The following LIMCH1 variants were observed in gnomAD, a reference collection of about 807,000 sequenced individuals.
LIMCH1 encodes LIM and calponin homology domains 1.
A neutral mutation model predicts 176.5 loss-of-function variants in LIMCH1; 113 were observed. The ratio of observed to expected loss-of-function variants is 0.64; its 90% CI spans 0.55 to 0.75. The LOEUF (loss-of-function observed/expected upper bound fraction) is 0.75. Ranked by LOEUF, LIMCH1 falls within the 30% of genes least tolerant of loss-of-function variation. LIMCH1 has a pLI of 0.00. For synonymous variants in LIMCH1, 619 were observed against 645.9 expected (o/e 0.96, Z 0.63); for missense variants, 1,674 against 1,814.9 (o/e 0.92, Z 1.41).
chr4:41,619,592 C>T (rs1002279466), intron 6 of LIMCH1, 152 bp downstream of exon 6: 9 of 1,010,426 alleles, frequency 8.9e-6, no homozygotes, highest in Middle Eastern at 3.2e-4. Context: ...TTGGAGAGAG[C>T]TTGTCAGGAG....
chr4:41,426,170 C>T (rs1327991024), intron 1 of LIMCH1, among the ~76,000 whole-genome samples: 3 of 150,948 alleles, frequency 2.0e-5, no homozygotes, highest in African/African-American at 4.9e-5. Context: ...TACAGGCGCC[C>T]GCCACTACGC....
chr4:41,551,941 T>C (rs542339255), intron 1 of LIMCH1, among the ~76,000 whole-genome samples: 2 of 152,280 alleles, frequency 1.3e-5, no homozygotes, highest in African/African-American at 4.8e-5. Flanking sequence ...GTGCTGCTAA[T>C]AAAGACATAC....
At chr4:41,584,073 C>T (rs1441906468) in intron 1 of LIMCH1, among the ~76,000 whole-genome samples, 1 of 152,174 alleles carries the variant, frequency 6.6e-6, no homozygotes, top group Non-Finnish European at 1.5e-5. Flanking sequence ...CCTCTATACG[C>T]CTGTTTCTTT....
intron 4 of LIMCH1, among the ~76,000 whole-genome samples, chr4:41,607,396 A>T (rs1344317178): frequency 6.6e-6 from 1 of 152,238 alleles, no homozygotes; most frequent in Non-Finnish European, 1.5e-5. Flanking sequence ...AAGGTACTTT[A>T]AGCTGAATTC....
chr4:41,455,790 G>C (rs11941153), intron 1 of LIMCH1, among the ~76,000 whole-genome samples: 6,657 of 152,250 alleles, frequency 0.044, 148 homozygotes, highest in South Asian at 0.065. Flanking sequence ...TAGTTAGTCT[G>C]TAATGTCAAG....
intron 1 of LIMCH1, among the ~76,000 whole-genome samples, chr4:41,447,626 T>C (rs1040995511): frequency 1.3e-5 from 2 of 152,216 alleles, no homozygotes; most frequent in Admixed American, 1.3e-4. Flanking sequence ...AAAATTCTTG[T>C]TGAGTAGATT....
intron 1 of LIMCH1, among the ~76,000 whole-genome samples, chr4:41,443,183 GT>G (rs1265290139): frequency 1.1e-4 from 3 of 27,374 alleles, no homozygotes; most frequent in Non-Finnish European, 1.7e-4. Context: ...CATATTGGAT[GT>G]TTTTTTTCTT....
At chr4:41,524,433 A>C in exon 3 of LIMCH1, 2 of 1,613,964 alleles carry the variant, frequency 1.2e-6, no homozygotes, top group Non-Finnish European at 8.5e-7. Flanking sequence ...TAAAGCCAGG[A>C]CTTGTTAAAA....
At chr4:41,530,794 T>TAAAAAAAAAAAAAAAAAA (rs386399906) in intron 3 of LIMCH1, among the ~76,000 whole-genome samples, 2 of 30,054 alleles carry the variant, frequency 6.7e-5, no homozygotes, top group African/African-American at 7.8e-4. Flanking sequence ...AAACCCCGCC[T>TAAAAAAAAAAAAAAAAAA]AAAAAAAAAA....
intron 10 of LIMCH1, among the ~76,000 whole-genome samples, chr4:41,632,358 T>C (rs1234277112): frequency 6.6e-6 from 1 of 152,160 alleles, no homozygotes; most frequent in Non-Finnish European, 1.5e-5. Context: ...GTTTCTTTGG[T>C]TCCAGACTCG....
intron 1 of LIMCH1, among the ~76,000 whole-genome samples, chr4:41,547,861 G>GTATATATATATATA (rs746652816): frequency 1.2e-4 from 10 of 84,976 alleles, no homozygotes; most frequent in South Asian, 8.7e-4. Context: ...ATTTGTGTGT[G>GTATATATATATATA]TGTATATATA....
At chr4:41,569,342 G>A (rs1327693097) in intron 1 of LIMCH1, among the ~76,000 whole-genome samples, 1 of 152,088 alleles carries the variant, frequency 6.6e-6, no homozygotes, top group Non-Finnish European at 1.5e-5. Context: ...CTCCTGTAGG[G>A]GCAGCTCCCG....
intron 1 of LIMCH1, among the ~76,000 whole-genome samples, chr4:41,421,752 TACG>T (rs2060624354): frequency 6.6e-6 from 1 of 152,190 alleles, no homozygotes; most frequent in South Asian, 2.1e-4. Context: ...TATAAAAGAA[TACG>T]ATTAAAAAGA....
At position 41,684,498 on chromosome 4, in the gene LIMCH1, C is replaced by A. The variant is rs1229193728; in HGVS notation, c.3947C>A (p.Thr1316Lys). The A allele has an allele frequency of 6.8e-6, 11 of 1,613,490 alleles. 1 individual carries two copies. The Admixed American group carries it at 1.7e-4, about 24-fold the overall frequency. ...GAGGCTGGGGCCCCACACTGTGGAA[C>A]AAACCCACAGCTTGCTCAGGGTAAG... ...DTEAGAPHCGTNPQLAQDPSQ... is the reference protein window; with the variant it reads ...DTEAGAPHCGKNPQLAQDPSQ... Residue 1316 changes from threonine (T) to lysine (K), a missense_variant, in exon 27 of 32, where the codon ACA (threonine) becomes AAA (lysine). By Grantham distance (78) the Thr-to-Lys change is moderately conservative. Coordinates refer to ENST00000503057, the MANE Select transcript of LIMCH1 (RefSeq NM_001330672.2).
intron 1 of LIMCH1, among the ~76,000 whole-genome samples, chr4:41,445,113 C>T (rs2063148116): frequency 1.3e-5 from 2 of 149,368 alleles, no homozygotes; most frequent in Non-Finnish European, 3.0e-5. Context: ...TCAAGCAATT[C>T]TCCTGCCTCA....
intron 2 of LIMCH1, among the ~76,000 whole-genome samples, chr4:41,495,884 T>C (rs2072033993): frequency 2.0e-5 from 3 of 152,194 alleles, no homozygotes; most frequent in Admixed American, 2.0e-4. Flanking sequence ...TATCTTCTAT[T>C]TGATGTTTCC....
chr4:41,377,936 G>C (rs899303737), intron 1 of LIMCH1, among the ~76,000 whole-genome samples: 4 of 152,170 alleles, frequency 2.6e-5, no homozygotes, highest in Admixed American at 6.5e-5. Context: ...ACCTCCCAAA[G>C]GTTCTATTTT....
chr4:41,683,853 AC>A (rs1318571062), intron 26 of LIMCH1, among the ~76,000 whole-genome samples: 5 of 152,256 alleles, frequency 3.3e-5, no homozygotes, highest in Non-Finnish European at 5.9e-5. Context: ...TACAAAATGT[AC>A]AAAAAATGTA....
intron 1 of LIMCH1, among the ~76,000 whole-genome samples, chr4:41,384,077 AG>A (rs2056114734): frequency 6.6e-6 from 1 of 152,218 alleles, no homozygotes; most frequent in Admixed American, 6.5e-5. Flanking sequence ...ATGGCTAAAA[AG>A]GTTGTTAGAG....
Sources: gnomAD v4.1 joint callset for allele counts (sites outside exome capture counted in the v4.1 genomes callset) on GRCh38, gnomAD v4.1.1 for gene constraint, MANE v1.5 for transcripts, NCBI Gene and HGNC (gene_info 2026-07-23, HGNC 2026-07-21) for gene names.